Variants in ROBO2 observed in about 807,000 individuals in gnomAD.
ROBO2 encodes the protein roundabout homolog 2.
Under a neutral mutation model 160.8 loss-of-function variants are expected in ROBO2, and 53 were observed. The observed-to-expected ratio is 0.33, with a 90% CI of 0.26 to 0.41. ROBO2 has a LOEUF of 0.41. ROBO2 is among the 10% of genes least tolerant of loss of function. The pLI is 1.00. For synonymous variants in ROBO2, 664 were observed against 611.7 expected (o/e 1.09, Z -1.26); for missense variants, 1,577 against 1,722.4 (o/e 0.92, Z 1.49).
intron 1 of ROBO2, among the ~76,000 whole-genome samples, chr3:75,932,984 A>T (rs964986964): frequency 3.3e-5 from 5 of 152,212 alleles, no homozygotes; most frequent in African/African-American, 1.2e-4. Flanking sequence ...AATTTGAATT[A>T]CACAAGACTT....
chr3:77,330,003 TCAAA>T (rs1251188143), intron 2 of ROBO2, among the ~76,000 whole-genome samples: 1 of 152,180 alleles, frequency 6.6e-6, no homozygotes, highest in Non-Finnish European at 1.5e-5. Flanking sequence ...TTAGACAGAC[TCAAA>T]CTAAGTTAGT....
intron 2 of ROBO2, among the ~76,000 whole-genome samples, chr3:77,299,916 G>T (rs1283991280): frequency 1.3e-5 from 2 of 152,052 alleles, no homozygotes; most frequent in Non-Finnish European, 2.9e-5. Context: ...CTAAGCCTGG[G>T]TAACAGGAGG....
chr3:77,243,572 G>T (rs2089328747), intron 2 of ROBO2, among the ~76,000 whole-genome samples: 1 of 152,104 alleles, frequency 6.6e-6, no homozygotes, highest in African/African-American at 2.4e-5. Context: ...TGCTACTATA[G>T]TCCCCTCCAT....
At chr3:76,034,579 T>TCTGCCCTGACTCA (rs1559853179) in intron 2 of ROBO2, among the ~76,000 whole-genome samples, 9 of 152,278 alleles carry the variant, frequency 5.9e-5, no homozygotes, top group African/African-American at 2.2e-4. Context: ...TGTGTTAGAA[T>TCTGCCCTGACTCA]GTTTTTGTGG....
At chr3:76,037,545 A>G (rs556025858) in intron 2 of ROBO2, among the ~76,000 whole-genome samples, 1 of 151,842 alleles carries the variant, frequency 6.6e-6, no homozygotes, top group Non-Finnish European at 1.5e-5. Context: ...TTCATTTTCC[A>G]ATCACTATTT....
chr3:76,733,021 C>G (rs1230290952), intron 2 of ROBO2, among the ~76,000 whole-genome samples: 8 of 151,242 alleles, frequency 5.3e-5, no homozygotes, highest in Non-Finnish European at 1.0e-4. Context: ...TCTCAGGTAA[C>G]TAGAGGCATA....
At chr3:76,824,426 A>G (rs2066395944) in intron 2 of ROBO2, among the ~76,000 whole-genome samples, 1 of 152,186 alleles carries the variant, frequency 6.6e-6, no homozygotes, top group African/African-American at 2.4e-5. Context: ...AGAGTAAAGA[A>G]GCAGATTTTA....
intron 6 of ROBO2, among the ~76,000 whole-genome samples, chr3:77,544,104 T>G (rs1326447085): frequency 2.3e-5 from 2 of 87,584 alleles, no homozygotes; most frequent in Non-Finnish European, 4.9e-5. Flanking sequence ...GAAACAAACC[T>G]TAAGTGTTTT....
At chr3:77,110,696 T>G (rs58301071) in intron 2 of ROBO2, among the ~76,000 whole-genome samples, 26,674 of 147,524 alleles carry the variant, frequency 0.18, 2,474 homozygotes, top group East Asian at 0.26. Flanking sequence ...TATATATATA[T>G]AGAGAGAGAG....
At chr3:77,579,920 T>C (rs751759806) in intron 15 of ROBO2, 27 bp from the exon 17 acceptor site, 2 of 1,596,874 alleles carry the variant, frequency 1.3e-6, no homozygotes. Flanking sequence ...CTTATATCCA[T>C]GTGTTATTCA....
chr3:76,146,498 T>C (rs1016660051), intron 2 of ROBO2, among the ~76,000 whole-genome samples: 1 of 151,974 alleles, frequency 6.6e-6, no homozygotes, highest in Middle Eastern at 3.4e-3. Context: ...CTCTCTGACC[T>C]CTTTTAAATA....
intron 1 of ROBO2, among the ~76,000 whole-genome samples, chr3:77,072,074 C>T (rs535839560): frequency 2.5e-4 from 38 of 152,164 alleles, no homozygotes; most frequent in Middle Eastern, 3.4e-3. Context: ...ACCTGAGCTC[C>T]GTCTCATGCC....
chr3:77,408,282 G>T (rs901184306), intron 2 of ROBO2, among the ~76,000 whole-genome samples: 1 of 152,064 alleles, frequency 6.6e-6, no homozygotes, highest in South Asian at 2.1e-4. Flanking sequence ...TTGTTTGTGC[G>T]TGTGTATGTG....
chr3:77,166,696 C>T (rs1426469412), intron 2 of ROBO2, among the ~76,000 whole-genome samples: 1 of 152,012 alleles, frequency 6.6e-6, no homozygotes, highest in Non-Finnish European at 1.5e-5. Context: ...GTAGCTGGGA[C>T]TACAGGCGCC....
intron 2 of ROBO2, among the ~76,000 whole-genome samples, chr3:76,276,165 A>G (rs1269543890): frequency 6.6e-6 from 1 of 152,044 alleles, no homozygotes; most frequent in Non-Finnish European, 1.5e-5. Context: ...TGTATATTTT[A>G]ATCACTCATA....
chr3:76,733,933 T>A (rs2093672072), intron 2 of ROBO2, among the ~76,000 whole-genome samples: 2 of 152,198 alleles, frequency 1.3e-5, no homozygotes, highest in Non-Finnish European at 2.9e-5. Flanking sequence ...AGGCATCTTT[T>A]TGTTATATCT....
At chr3:76,145,116 A>G (rs13075812) in intron 2 of ROBO2, among the ~76,000 whole-genome samples, 63,661 of 151,530 alleles carry the variant, frequency 0.42, 13,529 homozygotes, top group Middle Eastern at 0.46. Flanking sequence ...GAAAAAAAAA[A>G]CGCTTTGAAA....
At chr3:77,058,786 C>G (rs889313751) in intron 1 of ROBO2, among the ~76,000 whole-genome samples, 1 of 152,018 alleles carries the variant, frequency 6.6e-6, no homozygotes, top group African/African-American at 2.4e-5. Context: ...GATCCACCCA[C>G]GTCGACCTCC....
At chr3:76,168,150 G>A (rs977929510) in intron 2 of ROBO2, among the ~76,000 whole-genome samples, 2 of 152,136 alleles carry the variant, frequency 1.3e-5, no homozygotes, top group Non-Finnish European at 2.9e-5. Context: ...TTAGAGTGAG[G>A]TAAGTTCACT....
Sources: gnomAD v4.1 joint callset for allele counts (sites outside exome capture counted in the v4.1 genomes callset) on GRCh38, gnomAD v4.1.1 for gene constraint, MANE v1.5 for transcripts, NCBI Gene and HGNC (gene_info 2026-07-23, HGNC 2026-07-21) for gene names.